Variants in NRG3 observed in about 807,000 individuals in gnomAD.
NRG3 encodes pro-neuregulin-3, membrane-bound isoform.
Under a neutral mutation model 66.9 loss-of-function variants are expected in NRG3, and 31 were observed. That is an observed-to-expected ratio of 0.46 (90% confidence interval 0.35 to 0.63). NRG3 has a LOEUF of 0.63. NRG3 is among the 20% of genes least tolerant of loss of function. The pLI is 0.00. For missense variants in NRG3, 910 were observed against 878.9 expected (o/e 1.04, Z -0.45); for synonymous variants, 393 against 359.4 (o/e 1.09, Z -1.06).
chr10:82,287,127 G>A (rs2134527623), intron 1 of NRG3, among the ~76,000 whole-genome samples: 1 of 152,246 alleles, frequency 6.6e-6, no homozygotes, highest in Non-Finnish European at 1.5e-5. Flanking sequence ...CAAATCTCAT[G>A]TTGAATTGTA....
chr10:82,962,382 A>C (rs187950322), intron 6 of NRG3, among the ~76,000 whole-genome samples: 1 of 152,344 alleles, frequency 6.6e-6, no homozygotes, highest in Non-Finnish European at 1.5e-5. Context: ...TCTTAAAATC[A>C]AGAGAAAATA....
At chr10:81,951,213 G>T (rs568576721) in intron 1 of NRG3, among the ~76,000 whole-genome samples, 3 of 152,260 alleles carry the variant, frequency 2.0e-5, no homozygotes, top group South Asian at 2.1e-4. Flanking sequence ...AGGGCCAAGA[G>T]AATTTTCTTC....
intron 3 of NRG3, among the ~76,000 whole-genome samples, chr10:82,768,617 C>T (rs978398793): frequency 6.6e-6 from 1 of 152,084 alleles, no homozygotes; most frequent in Admixed American, 6.6e-5. Context: ...ATATTTGTCT[C>T]ATCTTCTGGC....
intron 2 of NRG3, among the ~76,000 whole-genome samples, chr10:82,643,097 T>C (rs1418676974): frequency 1.3e-5 from 2 of 152,146 alleles, no homozygotes; most frequent in Admixed American, 1.3e-4. Context: ...ATACTGACTT[T>C]TCTTTCTTAT....
intron 2 of NRG3, among the ~76,000 whole-genome samples, chr10:82,484,547 G>A (rs1459592644): frequency 6.6e-6 from 1 of 152,106 alleles, no homozygotes; most frequent in Non-Finnish European, 1.5e-5. Context: ...AAAAATTCTT[G>A]TCTGTTTGTC....
chr10:82,800,153 C>A (rs972199257), intron 3 of NRG3, among the ~76,000 whole-genome samples: 1 of 152,108 alleles, frequency 6.6e-6, no homozygotes, highest in Non-Finnish European at 1.5e-5. Context: ...TCTCTATCGC[C>A]TTCTAGACTA....
intron 4 of NRG3, among the ~76,000 whole-genome samples, chr10:82,882,521 G>A (rs1178550124): frequency 6.6e-6 from 1 of 152,192 alleles, no homozygotes; most frequent in Non-Finnish European, 1.5e-5. Context: ...GGATGGTGGA[G>A]GGAATGGAAG....
intron 1 of NRG3, among the ~76,000 whole-genome samples, chr10:82,080,074 A>G (rs1384283100): frequency 1.3e-5 from 2 of 152,174 alleles, no homozygotes; most frequent in Admixed American, 6.5e-5. Flanking sequence ...CTGCAAGGCA[A>G]TCCACAGAGG....
At chr10:82,143,593 C>T (rs1289886895) in intron 1 of NRG3, among the ~76,000 whole-genome samples, 1 of 152,082 alleles carries the variant, frequency 6.6e-6, no homozygotes, top group East Asian at 1.9e-4. Context: ...CATCTCTTGC[C>T]CATTGAAATC....
intron 1 of NRG3, among the ~76,000 whole-genome samples, chr10:81,938,406 A>ATTTG (rs1848091167): frequency 2.0e-5 from 3 of 148,226 alleles, no homozygotes; most frequent in Non-Finnish European, 3.0e-5. Flanking sequence ...TTTTTTTTCC[A>ATTTG]GCAATGTCTT....
At chr10:82,798,193 A>G (rs2060883801) in intron 3 of NRG3, among the ~76,000 whole-genome samples, 1 of 152,148 alleles carries the variant, frequency 6.6e-6, no homozygotes, top group Non-Finnish European at 1.5e-5. Context: ...TTAGGGGCTG[A>G]CCAAATATAC....
At chr10:82,731,116 C>T (rs2057878064) in intron 2 of NRG3, among the ~76,000 whole-genome samples, 1 of 152,082 alleles carries the variant, frequency 6.6e-6, no homozygotes, top group Admixed American at 6.5e-5. Flanking sequence ...TCTGTAATCC[C>T]AGCACTTTGG....
chr10:82,263,037 G>C (rs2078112998), intron 1 of NRG3, among the ~76,000 whole-genome samples: 1 of 152,148 alleles, frequency 6.6e-6, no homozygotes, highest in Non-Finnish European at 1.5e-5. Flanking sequence ...TTCCTTACCT[G>C]CTTTGTATAA....
At chr10:82,312,508 C>T (rs2081081350) in intron 1 of NRG3, among the ~76,000 whole-genome samples, 1 of 152,190 alleles carries the variant, frequency 6.6e-6, no homozygotes, top group African/African-American at 2.4e-5. Flanking sequence ...TCACCAGCTC[C>T]TAGCTCCTGC....
At chr10:82,745,017 T>A (rs2058586765) in intron 3 of NRG3, among the ~76,000 whole-genome samples, 1 of 152,074 alleles carries the variant, frequency 6.6e-6, no homozygotes, top group South Asian at 2.1e-4. Flanking sequence ...GCCTCGAATA[T>A]CTCCAGTTGT....
intron 1 of NRG3, among the ~76,000 whole-genome samples, chr10:82,189,376 G>A (rs2074000045): frequency 6.6e-6 from 1 of 151,974 alleles, no homozygotes; most frequent in Non-Finnish European, 1.5e-5. Context: ...GAAATTTTAG[G>A]CCAGGCACAG....
chr10:82,219,507 T>C (rs2075840490), intron 1 of NRG3, among the ~76,000 whole-genome samples: 1 of 152,068 alleles, frequency 6.6e-6, no homozygotes, highest in Non-Finnish European at 1.5e-5. Flanking sequence ...CCTGATTTTG[T>C]GTTTCTTCTT....
intron 1 of NRG3, among the ~76,000 whole-genome samples, chr10:81,965,821 A>G (rs1013413668): frequency 6.6e-6 from 1 of 152,166 alleles, no homozygotes; most frequent in African/African-American, 2.4e-5. Context: ...ATATTCTAAG[A>G]CAAAAATAAA....
intron 3 of NRG3, among the ~76,000 whole-genome samples, chr10:82,852,323 T>C (rs2063599231): frequency 1.3e-5 from 2 of 151,952 alleles, no homozygotes; most frequent in African/African-American, 4.8e-5. Context: ...GGGAGAACAG[T>C]AGGACAAATA....
Sources: allele counts gnomAD v4.1 joint callset (sites outside exome capture counted in the v4.1 genomes callset), GRCh38; gene constraint gnomAD v4.1.1; transcripts MANE v1.5; gene names NCBI Gene and HGNC (gene_info 2026-07-23, HGNC 2026-07-21).